The following CNTNAP2 variants were observed in gnomAD, a reference collection of about 807,000 sequenced individuals.
The protein encoded by CNTNAP2 is contactin associated protein 2, also known as contactin-associated protein-like 2.
A neutral mutation model predicts 155.2 loss-of-function variants in CNTNAP2; 98 were observed. The observed-to-expected ratio is 0.63, with a 90% confidence interval of 0.54 to 0.75. CNTNAP2 has a LOEUF of 0.75. Ranked by LOEUF, CNTNAP2 falls within the 30% of genes least tolerant of loss-of-function variation. CNTNAP2 has a pLI of 0.00. For missense variants in CNTNAP2, 1,727 were observed against 1,688.1 expected (o/e 1.02, Z -0.40); for synonymous variants, 651 against 631.2 (o/e 1.03, Z -0.47).
At chr7:147,181,821 C>T (rs934390317) in intron 8 of CNTNAP2, among the ~76,000 whole-genome samples, 8 of 151,802 alleles carry the variant, frequency 5.3e-5, no homozygotes, top group African/African-American at 1.9e-4. Context: ...TTACTGAAGC[C>T]ATATATGGTC....
intron 1 of CNTNAP2, among the ~76,000 whole-genome samples, chr7:146,508,400 G>T (rs1797416607): frequency 6.6e-6 from 1 of 152,202 alleles, no homozygotes; most frequent in South Asian, 2.1e-4. Flanking sequence ...CAGTTTATAA[G>T]CATGCAGCCA....
At chr7:146,955,883 A>C (rs1334102299) in intron 3 of CNTNAP2, among the ~76,000 whole-genome samples, 3 of 152,066 alleles carry the variant, frequency 2.0e-5, no homozygotes, top group Non-Finnish European at 4.4e-5. Flanking sequence ...CAAAATATTA[A>C]ATGTATTACT....
chr7:146,422,349 G>GTATATATATATATA, intron 1 of CNTNAP2, among the ~76,000 whole-genome samples: 1 of 143,070 alleles, frequency 7.0e-6, no homozygotes, highest in African/African-American at 2.9e-5. Flanking sequence ...ATATGTATGT[G>GTATATATATATATA]TATATATATG....
At chr7:146,765,660 TAAAAAC>T (rs1203672016) in intron 1 of CNTNAP2, among the ~76,000 whole-genome samples, 1 of 152,070 alleles carries the variant, frequency 6.6e-6, no homozygotes, top group Non-Finnish European at 1.5e-5. Context: ...ATAAAGAAAT[TAAAAAC>T]AAACCAGATA....
intron 1 of CNTNAP2, among the ~76,000 whole-genome samples, chr7:146,671,013 A>G (rs717173): frequency 0.81 from 123,099 of 152,176 alleles, 50,400 homozygotes; most frequent in South Asian, 0.91. Flanking sequence ...CCAGTTTATA[A>G]ACACAACGAA....
At chr7:147,180,587 A>G (rs2116498616) in intron 8 of CNTNAP2, among the ~76,000 whole-genome samples, 1 of 152,298 alleles carries the variant, frequency 6.6e-6, no homozygotes, top group Middle Eastern at 3.4e-3. Context: ...TACCAGATAA[A>G]AATTTAGTAA....
At chr7:147,495,431 C>T (rs1352243883) in intron 11 of CNTNAP2, among the ~76,000 whole-genome samples, 1 of 152,094 alleles carries the variant, frequency 6.6e-6, no homozygotes, top group Non-Finnish European at 1.5e-5. Flanking sequence ...AAGCAAGATA[C>T]TTTTAATAGA....
intron 13 of CNTNAP2, among the ~76,000 whole-genome samples, chr7:147,693,693 C>G (rs1424906046): frequency 1.3e-5 from 2 of 151,738 alleles, no homozygotes; most frequent in African/African-American, 4.8e-5. Context: ...TATCTTGCAA[C>G]CTTACTACAA....
chr7:148,087,638 A>T (rs78557558), intron 15 of CNTNAP2, among the ~76,000 whole-genome samples: 3 of 152,110 alleles, frequency 2.0e-5, no homozygotes, highest in African/African-American at 2.4e-5. Context: ...TCTTAAAAAC[A>T]TATTTGTTTT....
At position 148,366,035 on chromosome 7, in the gene CNTNAP2, T is replaced by C. The variant is rs1290030012; in HGVS notation, c.3476-17614T>C. Among the ~76,000 whole-genome samples, 2 of 1,392 alleles carry C rather than the reference T, an allele frequency of 1.4e-3. 1 individual carries two copies. The highest frequency in any genetic ancestry group is 0.03 in the Admixed American group (2 of 66). The allele number at this position is 1,392 out of a possible 152,430, so 0.9% of individuals were successfully genotyped here. On this transcript the variant is annotated intron_variant, in intron 21 of 23. Transcript: ENST00000361727. ...GTGTATGCATGTATGCATGTGTGTG[T>C]ATGCATGTATGCATGTGTGTGTATG...
Position 148,164,613 on chromosome 7 carries a change from T to C in CNTNAP2, c.2774-7629T>C, listed in dbSNP as rs77856915. 3.9e-3 allele frequency among the ~76,000 whole-genome samples: 235 copies of C among 60,410 alleles called. 1 individual carries two copies. Among genetic ancestry groups the C allele is most frequent in the African/African-American group, 0.015 (124 of 8,104 alleles). The allele number at this position is 60,410 out of a possible 152,430, so 39.6% of individuals were successfully genotyped here. On this transcript the variant is annotated intron_variant, in intron 17 of 23. Coordinates refer to ENST00000361727, the MANE Select transcript of CNTNAP2 (RefSeq NM_014141.6). ...ACTCTGTGCTTTCTTTTCTCTCTCTTTTTTTTTTTTTTTTTTTTTTTTTTT... is the reference window on the plus strand; with the variant it reads ...ACTCTGTGCTTTCTTTTCTCTCTCTCTTTTTTTTTTTTTTTTTTTTTTTTT...
At chr7:148,279,973 G>A (rs1796943191) in intron 21 of CNTNAP2, among the ~76,000 whole-genome samples, 1 of 152,132 alleles carries the variant, frequency 6.6e-6, no homozygotes, top group Non-Finnish European at 1.5e-5. Flanking sequence ...TTAGTGACTA[G>A]GACAGGAGGG....
At chr7:148,301,254 A>G (rs1191489530) in intron 21 of CNTNAP2, among the ~76,000 whole-genome samples, 1 of 148,502 alleles carries the variant, frequency 6.7e-6, no homozygotes, top group African/African-American at 2.5e-5. Context: ...AGATCATGCC[A>G]CTTCACTTCA....
At chr7:146,978,145 A>G (rs1264223996) in intron 3 of CNTNAP2, among the ~76,000 whole-genome samples, 2 of 152,206 alleles carry the variant, frequency 1.3e-5, no homozygotes, top group South Asian at 2.1e-4. Context: ...TTACCCTTTC[A>G]GCTAAGACAT....
intron 14 of CNTNAP2, among the ~76,000 whole-genome samples, chr7:147,953,484 T>G (rs948033543): frequency 1.4e-4 from 22 of 152,168 alleles, no homozygotes; most frequent in African/African-American, 5.3e-4. Flanking sequence ...CGTTCACCTA[T>G]GTCACAAACC....
At chr7:146,675,537 C>A (rs1422014454) in intron 1 of CNTNAP2, among the ~76,000 whole-genome samples, 4 of 152,024 alleles carry the variant, frequency 2.6e-5, no homozygotes, top group African/African-American at 9.7e-5. Context: ...ACTTATAAGT[C>A]CTGAGTGCCT....
chr7:146,267,319 G>T (rs1406600231), intron 1 of CNTNAP2, among the ~76,000 whole-genome samples: 1 of 152,132 alleles, frequency 6.6e-6, no homozygotes, highest in Admixed American at 6.5e-5. Flanking sequence ...GACAGAGATA[G>T]CCAATTGGAA....
At chr7:146,363,460 C>T (rs1795113158) in intron 1 of CNTNAP2, among the ~76,000 whole-genome samples, 1 of 152,046 alleles carries the variant, frequency 6.6e-6, no homozygotes, top group South Asian at 2.1e-4. Context: ...GTTAGAACAC[C>T]CAGGACTGAG....
intron 1 of CNTNAP2, among the ~76,000 whole-genome samples, chr7:146,420,682 T>G (rs557392320): frequency 1.3e-5 from 2 of 152,204 alleles, no homozygotes; most frequent in East Asian, 3.9e-4. Flanking sequence ...ATGTTTGTAT[T>G]GATAGAGAGA....
Sources: allele counts gnomAD v4.1 joint callset (sites outside exome capture counted in the v4.1 genomes callset), GRCh38; gene constraint gnomAD v4.1.1; transcripts MANE v1.5; gene names NCBI Gene and HGNC (gene_info 2026-07-23, HGNC 2026-07-21).